Variants in PRDM5 observed in about 807,000 individuals in gnomAD.
The protein encoded by PRDM5 is PR domain zinc finger protein 5.
A neutral mutation model predicts 81.2 loss-of-function variants in PRDM5; 56 were observed. The ratio of observed to expected loss-of-function variants is 0.69; its 90% CI spans 0.56 to 0.86. The LOEUF is 0.86. PRDM5 is among the 40% of genes least tolerant of loss of function. The pLI, the probability that PRDM5 is intolerant of heterozygous loss-of-function variation, is 0.00. For missense variants in PRDM5, 697 were observed against 770.1 expected, an observed-to-expected ratio of 0.91 and a Z score of 1.12; for synonymous variants, 267 against 256.4, an observed-to-expected ratio of 1.04 and a Z score of -0.39.
At chr4:120,903,958 G>A (rs1400044463) in intron 2 of PRDM5, among the ~76,000 whole-genome samples, 1 of 151,864 alleles carries the variant, frequency 6.6e-6, no homozygotes, top group Non-Finnish European at 1.5e-5. Flanking sequence ...GGGAGGCCGA[G>A]GCCAGCAGAT....
intron 2 of PRDM5, among the ~76,000 whole-genome samples, chr4:120,870,262 G>A (rs1490416068): frequency 6.6e-6 from 1 of 152,144 alleles, no homozygotes; most frequent in Non-Finnish European, 1.5e-5. Flanking sequence ...ATGACCTCGA[G>A]TGAAAGAAAT....
rs2292395 is a variant in PRDM5, at chr4:120,816,133, G to A, written c.865+320C>T. 0.38 allele frequency: 118,565 copies of A among 313,372 alleles called. 23,246 individuals are homozygous for A. The highest frequency in any genetic ancestry group is 0.48 in the East Asian group (5,926 of 12,432). The allele number at this position is 313,372 out of a possible 1,614,324, so 19.4% of individuals were successfully genotyped here. A position where few individuals can be genotyped will look rare whatever the true frequency, so the allele number is the denominator to read the frequency against. On this transcript the variant is annotated intron_variant, in intron 7 of 15. Coordinates refer to ENST00000264808, the MANE Select transcript of PRDM5 (RefSeq NM_018699.4). ...AATTTTAACAATTTATAAAAGAAAT[G>A]TCACATGCCAAAACATTTAAAATTG...
chr4:120,892,013 G>A lies in PRDM5; in HGVS notation c.177+15461C>T, dbSNP rs187852280. ...CAAGATTCTGGTATGTTGTATCTTC[G>A]TTCACATTAGTTTCAAAGAATTTCT... On this transcript the variant is annotated intron_variant, in intron 2 of 15. Transcript: ENST00000264808. Among the ~76,000 whole-genome samples the A allele has an allele frequency of 3.8e-3, 581 of 152,220 alleles. 4 individuals are homozygous for A. Among genetic ancestry groups the A allele is most frequent in the Non-Finnish European group, 6.5e-3 (442 of 68,012 alleles).
At position 120,799,823 on chromosome 4, in the gene PRDM5, CAT is replaced by C. The variant is rs1469705684; in HGVS notation, c.946-80_946-79del. The C allele has an allele frequency of 8.3e-6, 13 of 1,559,370 alleles. No individual in the cohort carries two copies. The East Asian group carries it at 2.3e-4, about 28-fold the overall frequency. On this transcript the variant is annotated intron_variant, in intron 8 of 15. Transcript: ENST00000264808. ...CACAGCTCTCAAGCAAAAGTGTAAACATGTGAACAGCTGCCACTGCAATACCC... is the reference window on the plus strand; with the variant it reads ...CACAGCTCTCAAGCAAAAGTGTAAACGTGAACAGCTGCCACTGCAATACCC...
intron 13 of PRDM5, among the ~76,000 whole-genome samples, chr4:120,772,196 T>C (rs890174404): frequency 2.0e-5 from 3 of 152,264 alleles, no homozygotes; most frequent in Non-Finnish European, 4.4e-5. Context: ...GGAAAAGTTA[T>C]TTAATCTCAT....
At chr4:120,828,624 A>G (rs1756332276) in intron 3 of PRDM5, among the ~76,000 whole-genome samples, 1 of 152,124 alleles carries the variant, frequency 6.6e-6, no homozygotes, top group Non-Finnish European at 1.5e-5. Context: ...TTGGCCCCAT[A>G]TAATTTTTTA....
At chr4:120,809,047 C>T (rs971344033) in intron 8 of PRDM5, among the ~76,000 whole-genome samples, 12 of 152,226 alleles carry the variant, frequency 7.9e-5, no homozygotes, top group African/African-American at 2.7e-4. Flanking sequence ...GCTCCTCAAG[C>T]ATGGCCAGAG....
Position 120,821,276 on chromosome 4 carries a change from G to A in PRDM5, c.370C>T (p.Leu124=), listed in dbSNP as rs766226909. The change falls in exon 4 of 16, where the codon CTG becomes TTG. Residue 124 remains leucine, a synonymous_variant. Coordinates refer to ENST00000264808, the MANE Select transcript of PRDM5 (RefSeq NM_018699.4). The part of the protein sequence containing the change: ...ETDTELLIGY[L]DSDMEAEEEE... ...TCCTCAGCCTCCATGTCACTATCCA[G>A]GTAGCCAATCAGAAGCTCCGTGTCT... The A allele has an allele frequency of 1.2e-6, 2 of 1,613,894 alleles. No homozygotes were observed. Among genetic ancestry groups the A allele is most frequent in the Non-Finnish European group, 1.7e-6 (2 of 1,179,918 alleles).
At chr4:120,806,234 G>A (rs556388707) in intron 8 of PRDM5, among the ~76,000 whole-genome samples, 13 of 152,274 alleles carry the variant, frequency 8.5e-5, no homozygotes, top group East Asian at 3.9e-4. Context: ...CCATGCTCAC[G>A]GATAGGAAGA....
At chr4:120,738,942 G>A (rs1333211447) in intron 14 of PRDM5, among the ~76,000 whole-genome samples, 1 of 151,606 alleles carries the variant, frequency 6.6e-6, no homozygotes, top group Non-Finnish European at 1.5e-5. Context: ...ATTTTTCATG[G>A]TTTTGTGGAT....
At chr4:120,728,670 C>A (rs915653204) in intron 14 of PRDM5, among the ~76,000 whole-genome samples, 3 of 152,150 alleles carry the variant, frequency 2.0e-5, no homozygotes, top group South Asian at 4.1e-4. Flanking sequence ...ATCTACCCCG[C>A]CCCCTGCCCC....
intron 3 of PRDM5, among the ~76,000 whole-genome samples, chr4:120,825,682 A>T (rs72680410): frequency 0.017 from 2,507 of 143,656 alleles, 33 homozygotes; most frequent in Non-Finnish European, 0.03. Flanking sequence ...TAAGCTTTTA[A>T]TAATATGTGT....
At chr4:120,835,659 G>A (rs191131108) in intron 3 of PRDM5, among the ~76,000 whole-genome samples, 2 of 152,216 alleles carry the variant, frequency 1.3e-5, no homozygotes, top group African/African-American at 4.8e-5. Context: ...CATCATGATT[G>A]TGAGGCCTCC....
chr4:120,819,945 C>T (rs1428436826), intron 4 of PRDM5, among the ~76,000 whole-genome samples: 1 of 152,168 alleles, frequency 6.6e-6, no homozygotes, highest in African/African-American at 2.4e-5. Flanking sequence ...CAATAACATG[C>T]AGTTAGAACA....
chr4:120,730,005 C>T (rs1190981603), intron 14 of PRDM5, among the ~76,000 whole-genome samples: 1 of 152,168 alleles, frequency 6.6e-6, no homozygotes, highest in African/African-American at 2.4e-5. Context: ...TACCAGTTTT[C>T]TTATGATTTT....
At chr4:120,800,432 G>C (rs971916890) in intron 8 of PRDM5, among the ~76,000 whole-genome samples, 1 of 150,674 alleles carries the variant, frequency 6.6e-6, no homozygotes, top group Admixed American at 6.7e-5. Context: ...CAGGATGATT[G>C]TTTGAACCTG....
At chr4:120,858,560 C>T (rs1579012112) in intron 2 of PRDM5, among the ~76,000 whole-genome samples, 1 of 151,738 alleles carries the variant, frequency 6.6e-6, no homozygotes, top group African/African-American at 2.4e-5. Context: ...CTTGTGTGTG[C>T]TTATGAACGC....
chr4:120,729,213 C>T (rs1739893748), intron 14 of PRDM5, among the ~76,000 whole-genome samples: 2 of 152,198 alleles, frequency 1.3e-5, no homozygotes, highest in Non-Finnish European at 1.5e-5. Flanking sequence ...GAACATATAA[C>T]TGCCTCCATT....
intron 3 of PRDM5, among the ~76,000 whole-genome samples, chr4:120,831,609 A>C (rs1289490437): frequency 6.6e-6 from 1 of 152,112 alleles, no homozygotes; most frequent in Non-Finnish European, 1.5e-5. Flanking sequence ...TATGAGGCAA[A>C]ACAATTATAA....
Sources: gnomAD v4.1 joint callset for allele counts (sites outside exome capture counted in the v4.1 genomes callset) on GRCh38, gnomAD v4.1.1 for gene constraint, MANE v1.5 for transcripts, NCBI Gene and HGNC (gene_info 2026-07-23, HGNC 2026-07-21) for gene names.